Variants in HHAT observed in about 807,000 individuals in gnomAD.
HHAT encodes the protein protein-cysteine N-palmitoyltransferase HHAT.
Under a neutral mutation model 70.8 loss-of-function variants are expected in HHAT, and 47 were observed. The ratio of observed to expected loss-of-function variants is 0.66; its 90% CI spans 0.53 to 0.85. The LOEUF is 0.85. Ranked by LOEUF, HHAT falls within the 40% of genes least tolerant of loss-of-function variation. HHAT has a pLI of 0.00. For synonymous variants in HHAT, 228 were observed against 247.6 expected, an observed-to-expected ratio of 0.92 and a Z score of 0.74; for missense variants, 609 against 604.8, an observed-to-expected ratio of 1.01 and a Z score of -0.07.
intron 9 of HHAT, among the ~76,000 whole-genome samples, chr1:210,556,773 T>C (rs2095576593): frequency 6.6e-6 from 1 of 152,210 alleles, no homozygotes; most frequent in African/African-American, 2.4e-5. Context: ...GAATAACAAC[T>C]CATGGACCAC....
chr1:210,540,444 T>TACACAC (rs5780588), intron 9 of HHAT, among the ~76,000 whole-genome samples: 4 of 148,274 alleles, frequency 2.7e-5, no homozygotes, highest in African/African-American at 1.0e-4. Context: ...TTTTCCCTCT[T>TACACAC]ACACACACAC....
chr1:210,376,184 A>G (rs948348370), intron 3 of HHAT, among the ~76,000 whole-genome samples: 3 of 152,036 alleles, frequency 2.0e-5, no homozygotes, highest in African/African-American at 7.2e-5. Flanking sequence ...TTTCTTATGT[A>G]ATCTACTTTT....
At chr1:210,632,555 T>C (rs1287259801) in intron 11 of HHAT, among the ~76,000 whole-genome samples, 1 of 152,148 alleles carries the variant, frequency 6.6e-6, no homozygotes, top group East Asian at 1.9e-4. Flanking sequence ...AGCCGCCATT[T>C]TGGACATGCC....
intron 1 of HHAT, among the ~76,000 whole-genome samples, chr1:210,331,462 C>CT (rs1413813187): frequency 3.9e-5 from 6 of 152,278 alleles, no homozygotes; most frequent in Middle Eastern, 3.4e-3. Flanking sequence ...TTGAAGTTGT[C>CT]TTAAACATAC....
intron 9 of HHAT, among the ~76,000 whole-genome samples, chr1:210,580,967 C>T (rs1437906102): frequency 6.6e-6 from 1 of 152,168 alleles, no homozygotes; most frequent in Non-Finnish European, 1.5e-5. Flanking sequence ...TCCTCTTTCT[C>T]CACAGCCTCA....
chr1:210,516,245 A>C (rs1246360104), intron 9 of HHAT, among the ~76,000 whole-genome samples: 1 of 152,140 alleles, frequency 6.6e-6, no homozygotes, highest in East Asian at 1.9e-4. Flanking sequence ...TGGCAGCAGC[A>C]GCTCCTTTAA....
chr1:210,582,744 G>A (rs1028576984), intron 9 of HHAT, among the ~76,000 whole-genome samples: 4 of 152,218 alleles, frequency 2.6e-5, no homozygotes, highest in African/African-American at 4.8e-5. Context: ...TCTGCAGGAT[G>A]TCAGGGAGTT....
At chr1:210,469,583 T>C (rs2094164387) in intron 8 of HHAT, among the ~76,000 whole-genome samples, 1 of 152,314 alleles carries the variant, frequency 6.6e-6, no homozygotes, top group African/African-American at 2.4e-5. Context: ...GATACCAAAA[T>C]ATAAATGATT....
intron 7 of HHAT, among the ~76,000 whole-genome samples, chr1:210,454,384 T>G (rs1558548903): frequency 6.6e-6 from 1 of 152,098 alleles, no homozygotes; most frequent in Non-Finnish European, 1.5e-5. Context: ...AAACCCTGTC[T>G]CTAATAAAAA....
intron 1 of HHAT, among the ~76,000 whole-genome samples, chr1:210,339,238 A>G (rs931362246): frequency 6.6e-6 from 1 of 152,244 alleles, no homozygotes; most frequent in African/African-American, 2.4e-5. Context: ...CATTACATAT[A>G]TAAGAAGGTA....
chr1:210,645,415 C>G (rs1486482587), intron 11 of HHAT, among the ~76,000 whole-genome samples: 1 of 152,142 alleles, frequency 6.6e-6, no homozygotes, highest in African/African-American at 2.4e-5. Flanking sequence ...GTAGCTGGGA[C>G]TACAGGCGCC....
intron 7 of HHAT, chr1:210,462,260 C>T (rs1191040271): frequency 6.6e-6 from 1 of 152,214 alleles, no homozygotes; most frequent in African/African-American, 2.4e-5. Context: ...CATAGTCTTC[C>T]ATAGGTCCAT....
chr1:210,530,937 T>C (rs934090359), intron 9 of HHAT, among the ~76,000 whole-genome samples: 27 of 152,234 alleles, frequency 1.8e-4, no homozygotes, highest in African/African-American at 6.5e-4. Flanking sequence ...ATTTTCCTGT[T>C]TACCAATTAG....
intron 11 of HHAT, among the ~76,000 whole-genome samples, chr1:210,640,312 T>A (rs780637143): frequency 1.7e-4 from 26 of 152,190 alleles, no homozygotes; most frequent in Non-Finnish European, 3.4e-4. Context: ...GATATTAGAT[T>A]TTTGCCCTTC....
chr1:210,476,655 C>G (rs1389597843), intron 8 of HHAT, among the ~76,000 whole-genome samples: 1 of 152,216 alleles, frequency 6.6e-6, no homozygotes, highest in Non-Finnish European at 1.5e-5. Context: ...TTCCGGAGGC[C>G]AGGGACTGCT....
chr1:210,328,837 C>T, upstream of HHAT: 1 of 416,278 alleles, frequency 2.4e-6, no homozygotes, highest in Non-Finnish European at 4.0e-6. Context: ...CCTGCAGCAG[C>T]ACGGCCTGCT....
In HHAT at chr1:210,674,405, G is replaced by C. The variant is rs757529570; in HGVS notation, c.*26G>C. 6.3e-7 allele frequency: 1 copy of C among 1,583,294 alleles called. No individual in the cohort carries two copies. On this transcript the variant is annotated 3_prime_UTR_variant, in exon 12 of 12. Transcript: ENST00000261458. ...TGCTGTTGGGCCCAGGCCAGTCCTTGTTGCTGGCCTCCAAGGCAAATAGTG... is the reference window on the plus strand; with the variant it reads ...TGCTGTTGGGCCCAGGCCAGTCCTTCTTGCTGGCCTCCAAGGCAAATAGTG...
chr1:210,546,389 G>A (rs2095483828), intron 9 of HHAT, among the ~76,000 whole-genome samples: 1 of 152,244 alleles, frequency 6.6e-6, no homozygotes, highest in Non-Finnish European at 1.5e-5. Context: ...GGACTTGAAG[G>A]TTGGCATGTG....
At chr1:210,407,980 C>T (rs1397703216) in intron 6 of HHAT, among the ~76,000 whole-genome samples, 1 of 152,084 alleles carries the variant, frequency 6.6e-6, no homozygotes, top group Non-Finnish European at 1.5e-5. Context: ...AGCAAAGGTC[C>T]TGGAGCCCAC....
Sources: gnomAD v4.1 joint callset for allele counts (sites outside exome capture counted in the v4.1 genomes callset) on GRCh38, gnomAD v4.1.1 for gene constraint, MANE v1.5 for transcripts, NCBI Gene and HGNC (gene_info 2026-07-23, HGNC 2026-07-21) for gene names.